PGM3: variants seen among roughly 807,000 people sequenced by gnomAD.
PGM3 encodes phosphoglucomutase 3.
In PGM3, 40 loss-of-function variants were observed where a neutral mutation model predicts 66.2. That is an observed-to-expected ratio of 0.60 (90% CI 0.47 to 0.79). PGM3 has a LOEUF of 0.79. Ranked by LOEUF, PGM3 falls within the 30% of genes least tolerant of loss-of-function variation. The pLI is 0.00. For missense variants in PGM3, 537 were observed against 643.4 expected (o/e 0.83, Z 1.79); for synonymous variants, 191 against 224.2 (o/e 0.85, Z 1.32).
At position 83,168,218 on chromosome 6, in the gene PGM3, C is replaced by A; in HGVS notation, c.*1016G>T. ...TACATGTAAATGTAATTATTTAAAA[C>A]ACACACACTGCTCTGCGTTGTATAG... On this transcript the variant is annotated 3_prime_UTR_variant, in exon 13 of 13. Transcript: ENST00000513973. 6.4e-7 allele frequency: 1 copy of A among 1,559,330 alleles called. No homozygotes were observed. The highest frequency in any genetic ancestry group is 1.2e-5 in the South Asian group (1 of 80,052).
At chr6:83,176,879 T>C (rs1293045154) in intron 8 of PGM3, among the ~76,000 whole-genome samples, 1 of 152,122 alleles carries the variant, frequency 6.6e-6, no homozygotes, top group Non-Finnish European at 1.5e-5. Context: ...CCTAAAACAA[T>C]AACCCAAGTA....
intron 6 of PGM3, 97 bp from the exon 7 acceptor site, chr6:83,180,064 G>A (rs1266048099): frequency 3.4e-6 from 3 of 886,620 alleles, no homozygotes; most frequent in Non-Finnish European, 5.1e-6. Flanking sequence ...AAAAATCAAT[G>A]TCTTAATCTT....
chr6:83,169,751 C>T (rs879883704), intron 12 of PGM3: 5 of 458,044 alleles, frequency 1.1e-5, no homozygotes, highest in Non-Finnish European at 2.2e-5. Flanking sequence ...CTATTCAGCG[C>T]ACTCACTGTA....
Position 83,167,741 on chromosome 6 carries a change from G to A in PGM3, c.*1493C>T. The A allele has an allele frequency of 1.4e-6, 2 of 1,447,618 alleles. No individual in the cohort carries two copies. The highest frequency in any genetic ancestry group is 9.1e-7 in the Non-Finnish European group (1 of 1,101,706). 89.7% of individuals were successfully genotyped at this position (1,447,618 alleles called of 1,614,324 possible). On this transcript the variant is annotated 3_prime_UTR_variant, in exon 13 of 13. Transcript: ENST00000513973. ...AGGGTTTTGATCAGGTCAGGAGTTA[G>A]AAACTTAATGTCATTTGTATTCATT... is the stretch of plus-strand genomic sequence containing the variant.
intron 8 of PGM3, 57 bp from the exon 9 acceptor site, chr6:83,176,117 G>A: frequency 1.1e-6 from 1 of 944,640 alleles, no homozygotes; most frequent in Non-Finnish European, 1.7e-6. Context: ...AATGTTTCTT[G>A]CATACCTAGT....
At chr6:83,184,145 A>C (rs1215035988) in intron 4 of PGM3, among the ~76,000 whole-genome samples, 3 of 152,232 alleles carry the variant, frequency 2.0e-5, no homozygotes, top group African/African-American at 7.2e-5. Context: ...CAAAAACAAA[A>C]AGAAAGAAAA....
chr6:83,157,148 T>G, downstream of PGM3: 1 of 1,601,662 alleles, frequency 6.2e-7, no homozygotes, highest in South Asian at 1.1e-5. Flanking sequence ...ATAAAGATTA[T>G]TTAGTTATTG....
intron 2 of PGM3, among the ~76,000 whole-genome samples, chr6:83,189,041 G>A (rs1390025231): frequency 6.6e-6 from 1 of 152,076 alleles, no homozygotes; most frequent in African/African-American, 2.4e-5. Context: ...CAATCTTCGA[G>A]AAAACTGAGC....
the PGM3 span, chr6:83,154,104 A>T: frequency 6.2e-7 from 1 of 1,611,900 alleles, no homozygotes; most frequent in Non-Finnish European, 8.5e-7. Flanking sequence ...GAAATCAGCT[A>T]CTCCCCTGGA....
At chr6:83,181,674 A>G (rs773594418) in intron 6 of PGM3, 62 bp downstream of exon 6, 152 of 1,128,014 alleles carry the variant, frequency 1.3e-4, no homozygotes, top group Non-Finnish European at 1.9e-4. Context: ...ACCTTAGTTT[A>G]TAAGTGAGAT....
downstream of PGM3, among the ~76,000 whole-genome samples, chr6:83,164,480 C>A (rs1044927446): frequency 6.6e-6 from 1 of 151,916 alleles, no homozygotes; most frequent in African/African-American, 2.4e-5. Context: ...TATAAGACCC[C>A]CCTCCTTTAT....
chr6:83,174,601 G>A, intron 9 of PGM3, 114 bp from the exon 10 acceptor site: 1 of 542,692 alleles, frequency 1.8e-6, no homozygotes, highest in Non-Finnish European at 3.2e-6. Context: ...GAAACTGAGG[G>A]GAAAAATAGT....
At chr6:83,174,350 G>T in intron 10 of PGM3, 24 bp downstream of exon 10, 2 of 1,162,978 alleles carry the variant, frequency 1.7e-6, no homozygotes, top group Non-Finnish European at 2.6e-6. Flanking sequence ...GTAACCAAGA[G>T]TCCACTGCCC....
Position 83,168,650 on chromosome 6 carries a change from C to G in PGM3, c.*584G>C. ...CAGTGAAGAATAACTGAAGGCTGGA[C>G]CATGCATCCTTAAAAGTATTGCATG... On this transcript the variant is annotated 3_prime_UTR_variant, in exon 13 of 13. Coordinates refer to ENST00000513973, the MANE Select transcript of PGM3 (RefSeq NM_015599.3). The G allele has an allele frequency of 1.0e-6, 1 of 995,884 alleles. No individual in the cohort carries two copies. The highest frequency in any genetic ancestry group is 1.2e-6 in the Non-Finnish European group (1 of 836,394). 61.7% of individuals were successfully genotyped at this position (995,884 alleles called of 1,614,324 possible).
At chr6:83,176,089 G>T in intron 8 of PGM3, 29 bp from the exon 9 acceptor site, 1 of 1,197,718 alleles carries the variant, frequency 8.3e-7, no homozygotes, top group Non-Finnish European at 1.2e-6. Flanking sequence ...AAGAAATACA[G>T]CAATTACTCA....
Position 83,176,019 on chromosome 6 carries a change from G to A in PGM3, c.1071C>T (p.His357=). ...YCTKTGVKHL[H]HKAQEFDIGV... is the part of the protein sequence containing the mutation. ...CAATGTCAAACTCTTGAGCCTTGTG[G>A]TGCAAATGTTTTACACCAGTCTTAG... The change falls in exon 9 of 13, where the codon CAC becomes CAT. Residue 357 remains histidine (H), a synonymous_variant. Transcript: ENST00000513973. 1 of 1,611,560 alleles carries A rather than the reference G, an allele frequency of 6.2e-7. No individual in the cohort carries two copies. Among genetic ancestry groups the A allele is most frequent in the Non-Finnish European group, 8.5e-7 (1 of 1,177,754 alleles).
rs2128508908 is a variant in PGM3, at chr6:83,190,875, A to G, written c.138T>C (p.Ala46=). 6.2e-7 allele frequency: 1 copy of G among 1,614,160 alleles called. No individual in the cohort carries two copies. Among genetic ancestry groups the G allele is most frequent in the East Asian group, 2.2e-5 (1 of 44,878 alleles). ...ATTTTGTCTGTTTTGACCTCAGGAC[A>G]GCTAATAATCCCATGCGAAACATGA... ...DHVMFRMGLL[A]VLRSKQTKST... The change falls in exon 2 of 13, where the codon GCT becomes GCC. Residue 46 remains alanine (A), a synonymous_variant. Transcript: ENST00000513973.
chr6:83,159,928 A>G, downstream of PGM3: 4 of 1,614,134 alleles, frequency 2.5e-6, no homozygotes, highest in Non-Finnish European at 3.4e-6. Context: ...TGGCTCTCGC[A>G]TTGCCCTCTG....
intron 11 of PGM3, among the ~76,000 whole-genome samples, 170 bp downstream of exon 11, chr6:83,171,767 A>G (rs1787198765): frequency 6.6e-6 from 1 of 152,248 alleles, no homozygotes; most frequent in South Asian, 2.1e-4. Context: ...GATTAAAGGC[A>G]TGAGCCACGA....
Sources: gnomAD v4.1 joint callset for allele counts (sites outside exome capture counted in the v4.1 genomes callset) on GRCh38, gnomAD v4.1.1 for gene constraint, MANE v1.5 for transcripts, NCBI Gene and HGNC (gene_info 2026-07-23, HGNC 2026-07-21) for gene names.